ZNF804B: variants seen among roughly 807,000 people sequenced by gnomAD.
ZNF804B encodes zinc finger 804B.
A neutral mutation model predicts 101.4 loss-of-function variants in ZNF804B; 80 were observed. The ratio of observed to expected loss-of-function variants is 0.79; its 90% CI spans 0.66 to 0.95. The LOEUF is 0.95. Among genes scored for constraint, ZNF804B ranks in the 40% least tolerant of loss-of-function variants. ZNF804B has a pLI of 0.00. For synonymous variants in ZNF804B, 622 were observed against 558.8 expected, an observed-to-expected ratio of 1.11 and a Z score of -1.59; for missense variants, 1,673 against 1,561.9, an observed-to-expected ratio of 1.07 and a Z score of -1.20.
At chr7:88,812,960 A>AG (rs1790813465) in intron 1 of ZNF804B, among the ~76,000 whole-genome samples, 1 of 152,098 alleles carries the variant, frequency 6.6e-6, no homozygotes. Context: ...AAAAAAAAAA[A>AG]AGTTCTGGAG....
In ZNF804B at chr7:89,335,433, T is replaced by A; in HGVS notation, c.2451T>A (p.Phe817Leu). The change falls in exon 4 of 4, where the codon TTT becomes TTA. Residue 817 changes from phenylalanine (F) to leucine (L), a missense_variant. By Grantham distance (22) the Phe-to-Leu change is conservative (BLOSUM62 0). Coordinates refer to ENST00000333190, the MANE Select transcript of ZNF804B (RefSeq NM_181646.5). ...AACTGGGCAAAAATCAACAACAATT[T>A]TCAGGGCTAAAATCTACGAGAATCA... ...RQKLGKNQQQ[F>L]SGLKSTRIIY... is the part of the protein sequence containing the mutation. 1.2e-6 allele frequency: 2 copies of A among 1,613,878 alleles called. No individual in the cohort carries two copies. The highest frequency in any genetic ancestry group is 1.7e-6 in the Non-Finnish European group (2 of 1,179,924).
At chr7:89,146,376 A>G (rs1790791261) in intron 1 of ZNF804B, among the ~76,000 whole-genome samples, 1 of 152,084 alleles carries the variant, frequency 6.6e-6, no homozygotes, top group Admixed American at 6.6e-5. Flanking sequence ...AGGAATTTGT[A>G]AGAGTGAATG....
At chr7:88,999,666 G>A (rs1230540795) in intron 1 of ZNF804B, among the ~76,000 whole-genome samples, 1 of 151,892 alleles carries the variant, frequency 6.6e-6, no homozygotes, top group Admixed American at 6.6e-5. Context: ...AGCATTTTAT[G>A]GAGAACAGAG....
intron 2 of ZNF804B, among the ~76,000 whole-genome samples, chr7:89,246,665 T>G (rs1210230089): frequency 1.3e-5 from 2 of 152,108 alleles, no homozygotes; most frequent in African/African-American, 4.8e-5. Context: ...TAGATCATGA[T>G]GCAGTAGGGT....
intron 1 of ZNF804B, among the ~76,000 whole-genome samples, chr7:89,161,033 C>G (rs909990624): frequency 2.6e-5 from 4 of 152,062 alleles, no homozygotes; most frequent in African/African-American, 9.7e-5. Flanking sequence ...GACACCATAT[C>G]CTTGTGGGAC....
intron 1 of ZNF804B, among the ~76,000 whole-genome samples, chr7:88,811,076 A>C (rs1057233018): frequency 1.3e-5 from 2 of 152,132 alleles, no homozygotes; most frequent in African/African-American, 2.4e-5. Flanking sequence ...ACATTAAAAA[A>C]CAGACTAAAT....
chr7:89,115,440 T>A (rs1251473060), intron 1 of ZNF804B, among the ~76,000 whole-genome samples: 8 of 152,156 alleles, frequency 5.3e-5, no homozygotes, highest in Non-Finnish European at 4.4e-5. Context: ...GGGAGATGCA[T>A]CCTATTAAGA....
At chr7:88,934,982 C>A (rs1792944797) in intron 1 of ZNF804B, among the ~76,000 whole-genome samples, 1 of 151,572 alleles carries the variant, frequency 6.6e-6, no homozygotes, top group South Asian at 2.1e-4. Flanking sequence ...AAGCTAAGTA[C>A]CCATCAAACA....
intron 2 of ZNF804B, among the ~76,000 whole-genome samples, chr7:89,283,448 G>A (rs1307316165): frequency 6.6e-6 from 1 of 152,062 alleles, no homozygotes; most frequent in African/African-American, 2.4e-5. Context: ...CTTGCTTTGT[G>A]TTTCTGATGT....
chr7:88,913,338 G>A (rs770844872), intron 1 of ZNF804B, among the ~76,000 whole-genome samples: 1 of 152,152 alleles, frequency 6.6e-6, no homozygotes, highest in Admixed American at 6.5e-5. Flanking sequence ...ACTTCTGCAA[G>A]TTTCTCTGGA....
intron 1 of ZNF804B, among the ~76,000 whole-genome samples, chr7:88,888,822 A>G (rs1433399404): frequency 6.6e-6 from 1 of 152,018 alleles, no homozygotes; most frequent in East Asian, 1.9e-4. Context: ...TAAAGTCACA[A>G]GACACTTACC....
chr7:88,854,422 T>TCTTCCTTC lies in ZNF804B; in HGVS notation c.108+94341_108+94342insCCTTCCTT, dbSNP rs1491208764. 3.0e-3 allele frequency among the ~76,000 whole-genome samples: 298 copies of TCTTCCTTC among 100,794 alleles called. 4 individuals are homozygous for TCTTCCTTC. Among genetic ancestry groups the TCTTCCTTC allele is most frequent in the African/African-American group, 0.011 (267 of 24,130 alleles). 66.1% of individuals were successfully genotyped at this position (100,794 alleles called of 152,430 possible). ...TTCTTTCTTTCTTTCTTCCTTTCTT[T>TCTTCCTTC]CTTTCTTTCTTTCTTTCTTTCTTTC... On this transcript the variant is annotated intron_variant, in intron 1 of 3. Transcript: ENST00000333190.
chr7:89,178,640 C>G (rs901722118), intron 1 of ZNF804B, among the ~76,000 whole-genome samples: 1 of 152,130 alleles, frequency 6.6e-6, no homozygotes, highest in Middle Eastern at 3.4e-3. Flanking sequence ...AAAGTTGTCA[C>G]AGTTATTATT....
intron 1 of ZNF804B, among the ~76,000 whole-genome samples, chr7:88,862,532 A>G (rs192060348): frequency 1.3e-5 from 2 of 152,206 alleles, no homozygotes; most frequent in African/African-American, 2.4e-5. Flanking sequence ...AATTGAAAGT[A>G]ATAGAATGTT....
intron 1 of ZNF804B, among the ~76,000 whole-genome samples, chr7:89,099,636 T>G (rs1790024928): frequency 6.6e-6 from 1 of 152,186 alleles, no homozygotes; most frequent in Non-Finnish European, 1.5e-5. Context: ...TCAAAAGTCA[T>G]GTCCACAATT....
At chr7:88,850,985 AG>A (rs2115828225) in intron 1 of ZNF804B, among the ~76,000 whole-genome samples, 1 of 152,268 alleles carries the variant, frequency 6.6e-6, no homozygotes, top group East Asian at 1.9e-4. Flanking sequence ...AAAGATAAAA[AG>A]TTTCAGTGTC....
chr7:88,902,375 C>T (rs891207939), intron 1 of ZNF804B, among the ~76,000 whole-genome samples: 3 of 151,958 alleles, frequency 2.0e-5, no homozygotes, highest in African/African-American at 4.8e-5. Context: ...TTCCATTTCT[C>T]GTTCTAGTAC....
rs949409593 is a variant in ZNF804B at position 89,338,035 on chromosome 7, G to A, written c.*1003G>A. Among the ~76,000 whole-genome samples, 3 of 151,980 alleles carry A rather than the reference G, an allele frequency of 2.0e-5. No individual in the cohort carries two copies. Among genetic ancestry groups the A allele is most frequent in the Admixed American group, 2.0e-4 (3 of 15,244 alleles). ...TATTTATGAAACAATGAATAATGAT[G>A]AATAAATTCACCATCCATGTAATGT... On this transcript the variant is annotated 3_prime_UTR_variant, in exon 4 of 4. Coordinates refer to ENST00000333190, the MANE Select transcript of ZNF804B (RefSeq NM_181646.5).
rs148392814 is a variant in ZNF804B, at chr7:89,336,301, A to G, written c.3319A>G (p.Ile1107Val). Residue 1107 changes from isoleucine (I) to valine (V), a missense_variant, in exon 4 of 4, where the codon ATA becomes GTA. Ile to Val is a conservative substitution (Grantham distance 29). Transcript: ENST00000333190. ...NLDLQDVSMH[I>V]NHVEGNINSY... Reference sequence around the variant, plus strand: ...AGACTTACAGGATGTAAGCATGCATATAAATCATGTAGAGGGAAATATAAA... The same window carrying G: ...AGACTTACAGGATGTAAGCATGCATGTAAATCATGTAGAGGGAAATATAAA... The G allele has an allele frequency of 6.2e-7, 1 of 1,613,894 alleles. No individual in the cohort carries two copies. The highest frequency in any genetic ancestry group is 8.5e-7 in the Non-Finnish European group (1 of 1,179,944).
Sources: gnomAD v4.1 joint callset for allele counts (sites outside exome capture counted in the v4.1 genomes callset) on GRCh38, gnomAD v4.1.1 for gene constraint, MANE v1.5 for transcripts, NCBI Gene and HGNC (gene_info 2026-07-23, HGNC 2026-07-21) for gene names.